UVRAG: variants seen among roughly 807,000 people sequenced by gnomAD.
The protein encoded by UVRAG is UV radiation resistance-associated gene protein.
A neutral mutation model predicts 78.0 loss-of-function variants in UVRAG; 19 were observed. That is an observed-to-expected ratio of 0.24 (90% CI 0.17 to 0.36). UVRAG has a LOEUF of 0.36. UVRAG is among the 10% of genes least tolerant of loss of function. The pLI, the probability that UVRAG is intolerant of heterozygous loss-of-function variation, is 1.00. For synonymous variants in UVRAG, 323 were observed against 324.6 expected (o/e 1.00, Z 0.05); for missense variants, 740 against 853.8 (o/e 0.87, Z 1.66).
intron 1 of UVRAG, among the ~76,000 whole-genome samples, chr11:75,820,280 A>C (rs1346791578): frequency 1.3e-5 from 2 of 152,192 alleles, no homozygotes; most frequent in African/African-American, 4.8e-5. Flanking sequence ...GCCCAGCCAG[A>C]AAATTTTATA....
chr11:75,821,786 T>C (rs7110517), intron 1 of UVRAG, among the ~76,000 whole-genome samples: 31,511 of 151,982 alleles, frequency 0.21, 5,334 homozygotes, highest in African/African-American at 0.47. Flanking sequence ...GTTTTGAGTA[T>C]TGGTCAGGTG....
chr11:75,994,083 A>T (rs970319218), intron 8 of UVRAG, among the ~76,000 whole-genome samples: 2 of 152,222 alleles, frequency 1.3e-5, no homozygotes, highest in African/African-American at 4.8e-5. Flanking sequence ...CACATTTCAC[A>T]CAAGATTTGG....
intron 1 of UVRAG, among the ~76,000 whole-genome samples, chr11:75,829,837 T>C (rs1481804247): frequency 1.3e-5 from 2 of 152,250 alleles, no homozygotes; most frequent in Admixed American, 1.3e-4. Context: ...ATATTTGTCT[T>C]CTTTTTCTTT....
In UVRAG at chr11:75,896,726, A is replaced by G. The variant is rs191243071; in HGVS notation, c.507+7823A>G. Among the ~76,000 whole-genome samples the G allele has an allele frequency of 1.1e-4, 17 of 152,356 alleles. No homozygotes were observed. In the East Asian group the frequency reaches 3.1e-3, roughly 28 times the overall value. On this transcript the variant is annotated intron_variant, in intron 5 of 14. Coordinates refer to ENST00000356136, the MANE Select transcript of UVRAG (RefSeq NM_003369.4). ...TGTGTTTAGGGCTATCACAGCAATC[A>G]TTGAGAATAAAAATCTTGAGTAGAT...
In UVRAG at chr11:76,049,944, C is replaced by T. The variant is rs902123826; in HGVS notation, c.1227-15766C>T. On this transcript the variant is annotated intron_variant, in intron 12 of 14. Transcript: ENST00000356136. ...GTGGCTGTTGTGGAGTGTTAGGAAA[C>T]GCTATGTGACCATGGGCACTAAATT... is the stretch of plus-strand genomic sequence containing the variant. Among the ~76,000 whole-genome samples, 9 of 152,102 alleles carry T rather than the reference C, an allele frequency of 5.9e-5. 1 individual carries two copies. The highest frequency in any genetic ancestry group is 1.0e-4 in the Non-Finnish European group (7 of 68,020).
intron 13 of UVRAG, among the ~76,000 whole-genome samples, chr11:76,090,958 CTA>C (rs1951685900): frequency 6.6e-6 from 1 of 152,184 alleles, no homozygotes; most frequent in African/African-American, 2.4e-5. Context: ...GTTGAAACCT[CTA>C]TTTTCTAGAT....
At chr11:75,819,167 A>G (rs1041473845) in intron 1 of UVRAG, among the ~76,000 whole-genome samples, 1 of 152,178 alleles carries the variant, frequency 6.6e-6, no homozygotes, top group African/African-American at 2.4e-5. Flanking sequence ...AATGTTTAAA[A>G]AGTTAACACT....
chr11:75,870,265 T>C (rs1163961325), intron 3 of UVRAG, among the ~76,000 whole-genome samples: 1 of 152,228 alleles, frequency 6.6e-6, no homozygotes, highest in Non-Finnish European at 1.5e-5. Flanking sequence ...AGCTCTACTG[T>C]ATCAGTGTTG....
At chr11:76,054,427 GC>G (rs1950938594) in intron 12 of UVRAG, among the ~76,000 whole-genome samples, 1 of 152,166 alleles carries the variant, frequency 6.6e-6, no homozygotes, top group African/African-American at 2.4e-5. Context: ...TCACAGAGCA[GC>G]CATTAAACCC....
rs548623534 is a variant in UVRAG, at chr11:75,941,033, C to CA, written c.594-20400dup. On this transcript the variant is annotated intron_variant, in intron 6 of 14. Transcript: ENST00000356136. The stretch of plus-strand genomic sequence containing the variant: ...TTCTGAACTGTTTGTTACCATTCTG[C>CA]AAAAAAAAAAATGAGGCAGTTTTGC... 1.1e-3 allele frequency among the ~76,000 whole-genome samples: 157 copies of CA among 143,432 alleles called. 1 individual carries two copies. Among genetic ancestry groups the CA allele is most frequent in the African/African-American group, 1.8e-3 (72 of 39,294 alleles). The allele number at this position is 143,432 out of a possible 152,430, so 94.1% of individuals were successfully genotyped here. A position where few individuals can be genotyped will look rare whatever the true frequency, so the allele number is the denominator to read the frequency against.
At chr11:75,848,441 C>A (rs924814402) in intron 1 of UVRAG, among the ~76,000 whole-genome samples, 2 of 152,076 alleles carry the variant, frequency 1.3e-5, no homozygotes, top group African/African-American at 4.8e-5. Flanking sequence ...TCTGTTTATT[C>A]GCATTAATGG....
intron 14 of UVRAG, chr11:76,137,799 T>C (rs1307040365): frequency 1.5e-5 from 4 of 272,394 alleles, no homozygotes; most frequent in Non-Finnish European, 2.9e-5. Flanking sequence ...TCCCAGCTAC[T>C]TGGGAGACTG....
intron 6 of UVRAG, among the ~76,000 whole-genome samples, chr11:75,914,004 G>T (rs1947794431): frequency 6.6e-6 from 1 of 152,160 alleles, no homozygotes; most frequent in Non-Finnish European, 1.5e-5. Context: ...TACAATTCAT[G>T]CCTAGCTAAT....
intron 14 of UVRAG, 34 bp downstream of exon 14, chr11:76,116,049 T>C: frequency 6.3e-7 from 1 of 1,585,226 alleles, no homozygotes; most frequent in Non-Finnish European, 8.7e-7. Flanking sequence ...CCAGAAACTG[T>C]AATGTGGATA....
intron 6 of UVRAG, among the ~76,000 whole-genome samples, chr11:75,951,363 A>T (rs1464688375): frequency 7.0e-6 from 1 of 143,258 alleles, no homozygotes; most frequent in Non-Finnish European, 1.5e-5. Flanking sequence ...GTGTGTGTAT[A>T]TATTTTTTGT....
intron 12 of UVRAG, among the ~76,000 whole-genome samples, chr11:76,033,082 G>A (rs1181478526): frequency 1.3e-5 from 2 of 152,138 alleles, no homozygotes; most frequent in Non-Finnish European, 2.9e-5. Flanking sequence ...TCTTCCACAT[G>A]TAACTATCTA....
chr11:76,097,292 C>T (rs1190335977), intron 13 of UVRAG, among the ~76,000 whole-genome samples: 2 of 152,268 alleles, frequency 1.3e-5, no homozygotes, highest in African/African-American at 4.8e-5. Flanking sequence ...CCTCTAGTAA[C>T]CTACATTACT....
At chr11:75,897,290 CTG>C (rs1295310485) in intron 5 of UVRAG, among the ~76,000 whole-genome samples, 2 of 152,138 alleles carry the variant, frequency 1.3e-5, no homozygotes, top group Non-Finnish European at 2.9e-5. Context: ...TGTTCTGGTA[CTG>C]TGTTGCTTAG....
At chr11:75,869,602 A>G (rs1324644221) in intron 3 of UVRAG, among the ~76,000 whole-genome samples, 2 of 152,252 alleles carry the variant, frequency 1.3e-5, no homozygotes, top group African/African-American at 4.8e-5. Context: ...ACATGGAATT[A>G]TATGTAGTAC....
Sources: gnomAD v4.1 joint callset for allele counts (sites outside exome capture counted in the v4.1 genomes callset) on GRCh38, gnomAD v4.1.1 for gene constraint, MANE v1.5 for transcripts, NCBI Gene and HGNC (gene_info 2026-07-23, HGNC 2026-07-21) for gene names.